Variants in RFPL1 observed in about 807,000 individuals in gnomAD.
RFPL1 encodes ret finger protein like 1.
Under a neutral mutation model 9.6 loss-of-function variants are expected in RFPL1, and 6 were observed. The ratio of observed to expected loss-of-function variants is 0.62; its 90% confidence interval spans 0.34 to 1.23. The LOEUF (loss-of-function observed/expected upper bound fraction) is 1.23, where lower values mean the gene tolerates loss of function less well. RFPL1 is among the 50% of genes most tolerant of loss of function. The pLI is 0.03. For synonymous variants in RFPL1, 145 were observed against 149.4 expected, an observed-to-expected ratio of 0.97 and a Z score of 0.22; for missense variants, 352 against 398.4, an observed-to-expected ratio of 0.88 and a Z score of 0.99.
chr22:29,441,834 T>C (rs778066555), exon 2 of RFPL1: 49 of 1,613,992 alleles, frequency 3.0e-5, no homozygotes, highest in Non-Finnish European at 4.0e-5. Flanking sequence ...GTTTGAGGGA[T>C]GGAAGCCGCC....
chr22:29,398,532 G>A, the RFPL1 span, among the ~76,000 whole-genome samples: 1 of 152,200 alleles, frequency 6.6e-6, no homozygotes, highest in Non-Finnish European at 1.5e-5. Flanking sequence ...GAGGAAGATA[G>A]GACAGCCACA....
At chr22:29,435,293 GC>G (rs2062803354), upstream of RFPL1, among the ~76,000 whole-genome samples, 1 of 152,180 alleles carries the variant, frequency 6.6e-6, no homozygotes, top group Non-Finnish European at 1.5e-5. Context: ...GCACCGTGCT[GC>G]TGTCTCATTG....
At chr22:29,417,258 T>C in the RFPL1 span, among the ~76,000 whole-genome samples, 4 of 151,866 alleles carry the variant, frequency 2.6e-5, no homozygotes, top group South Asian at 8.3e-4. Context: ...GAGGTGACAG[T>C]GGTGTTCTGG....
the RFPL1 span, among the ~76,000 whole-genome samples, chr22:29,396,461 A>G: frequency 1.1e-4 from 17 of 152,184 alleles, no homozygotes; most frequent in Admixed American, 2.6e-4. Flanking sequence ...AGCCAAATAC[A>G]TTTCTGTTTA....
the RFPL1 span, among the ~76,000 whole-genome samples, chr22:29,396,815 A>G: frequency 6.7e-6 from 1 of 148,360 alleles, no homozygotes; most frequent in East Asian, 2.0e-4. Context: ...GTTTTGCCTC[A>G]TGTGCTCAAG....
chr22:29,435,937 A>G (rs1331363274), upstream of RFPL1, among the ~76,000 whole-genome samples: 2 of 152,216 alleles, frequency 1.3e-5, no homozygotes, highest in African/African-American at 2.4e-5. Context: ...AAAATAAATC[A>G]GGTCTGGAAA....
chr22:29,427,681 G>T, the RFPL1 span, among the ~76,000 whole-genome samples: 1 of 152,142 alleles, frequency 6.6e-6, no homozygotes, highest in South Asian at 2.1e-4. Flanking sequence ...AGGGCCCATC[G>T]TGGAAGAGGA....
At chr22:29,405,835 C>T in the RFPL1 span, among the ~76,000 whole-genome samples, 186 of 152,254 alleles carry the variant, frequency 1.2e-3, 2 homozygotes, top group African/African-American at 4.2e-3. Flanking sequence ...CTCGGCCGGG[C>T]GCGGTGGCTC....
the RFPL1 span, among the ~76,000 whole-genome samples, chr22:29,424,825 T>TCCCC: frequency 1.8e-5 from 1 of 57,028 alleles, no homozygotes; most frequent in Non-Finnish European, 3.4e-5. Context: ...TGTCTCCCTG[T>TCCCC]CCCTCCCACC....
At chr22:29,424,816 G>A in the RFPL1 span, among the ~76,000 whole-genome samples, 1 of 124,000 alleles carries the variant, frequency 8.1e-6, no homozygotes, top group Non-Finnish European at 1.7e-5. Context: ...GCAAGACTCT[G>A]TCTCCCTGTC....
the RFPL1 span, among the ~76,000 whole-genome samples, chr22:29,426,170 A>C: frequency 6.7e-6 from 1 of 149,876 alleles, no homozygotes; most frequent in Admixed American, 6.7e-5. Flanking sequence ...TAAAAATACA[A>C]AAATTAGCCA....
the RFPL1 span, among the ~76,000 whole-genome samples, chr22:29,427,603 A>G: frequency 6.6e-6 from 1 of 152,176 alleles, no homozygotes; most frequent in Admixed American, 6.5e-5. Flanking sequence ...ACTGGGCCCA[A>G]TCTGTTTTCC....
chr22:29,413,711 CTT>C, the RFPL1 span, among the ~76,000 whole-genome samples: 1 of 152,012 alleles, frequency 6.6e-6, no homozygotes, highest in Non-Finnish European at 1.5e-5. Flanking sequence ...TTTTTATAGG[CTT>C]TTTTAACCTT....
chr22:29,397,830 A>C, the RFPL1 span, among the ~76,000 whole-genome samples: 1 of 152,114 alleles, frequency 6.6e-6, no homozygotes, highest in Non-Finnish European at 1.5e-5. Flanking sequence ...TCTGGGGCTG[A>C]GCTGGACTTC....
chr22:29,424,839 C>G, the RFPL1 span, among the ~76,000 whole-genome samples: 10 of 111,732 alleles, frequency 8.9e-5, no homozygotes, highest in East Asian at 6.8e-4. Flanking sequence ...TCCCACCCCC[C>G]CCCCCGCAAA....
the RFPL1 span, among the ~76,000 whole-genome samples, chr22:29,430,609 A>C: frequency 6.6e-6 from 1 of 152,156 alleles, no homozygotes; most frequent in African/African-American, 2.4e-5. Flanking sequence ...CAAACTTCTA[A>C]ATGTGCATTT....
the RFPL1 span, among the ~76,000 whole-genome samples, chr22:29,419,696 G>C: frequency 6.6e-6 from 1 of 151,612 alleles, no homozygotes; most frequent in Non-Finnish European, 1.5e-5. Flanking sequence ...CCAGCTACTC[G>C]GGAGGCTGAG....
chr22:29,426,895 C>G, the RFPL1 span, among the ~76,000 whole-genome samples: 1 of 152,154 alleles, frequency 6.6e-6, no homozygotes, highest in Non-Finnish European at 1.5e-5. Flanking sequence ...AGGGGGACAT[C>G]GAGAGAGGAG....
upstream of RFPL1, chr22:29,437,047 A>G (rs1396259032): frequency 6.6e-6 from 1 of 152,420 alleles, no homozygotes; most frequent in East Asian, 1.9e-4. Flanking sequence ...TGAGAACACA[A>G]GTTTCACAAG....
Sources: gnomAD v4.1 joint callset for allele counts (sites outside exome capture counted in the v4.1 genomes callset) on GRCh38, gnomAD v4.1.1 for gene constraint, MANE v1.5 for transcripts, NCBI Gene and HGNC (gene_info 2026-07-23, HGNC 2026-07-21) for gene names.